MEST: variants seen among roughly 807,000 people sequenced by gnomAD.
The protein encoded by MEST is mesoderm specific transcript, also known as mesoderm-specific transcript homolog protein.
In MEST, 18 loss-of-function variants were observed where a neutral mutation model predicts 50.9. That is an observed-to-expected ratio of 0.35 (90% CI 0.24 to 0.52). The LOEUF is 0.52. MEST is among the 20% of genes least tolerant of loss of function. MEST has a pLI of 0.94. For missense variants in MEST, 282 were observed against 425.3 expected (o/e 0.66, Z 2.96); for synonymous variants, 130 against 154.1 (o/e 0.84, Z 1.16).
At position 130,497,309 on chromosome 7, in the gene MEST, CA is replaced by C; in HGVS notation, c.261+75del. ...CCGGGCGCGGGGGCTCAAATCCTAG[CA>C]CTTTGGGAGGCTGAGGTGGGAGGAT... On this transcript the variant is annotated intron_variant, in intron 3 of 11. Coordinates refer to ENST00000223215, the MANE Select transcript of MEST (RefSeq NM_002402.4). The surrounding 1 kb of genome is among the most constrained non-coding windows in gnomAD (Gnocchi z 4.0). 7.8e-7 allele frequency: 1 copy of C among 1,276,974 alleles called. No individual in the cohort carries two copies. The highest frequency in any genetic ancestry group is 1.1e-6 in the Non-Finnish European group (1 of 902,332). 79.1% of individuals were successfully genotyped at this position (1,276,974 alleles called of 1,614,324 possible).
chr7:130,502,670 A>G lies in MEST; in HGVS notation c.776A>G (p.Lys259Arg). The change falls in exon 10 of 12, where the codon AAG becomes AGG. Residue 259 changes from lysine to arginine, a missense_variant. Physicochemically the swap from Lys to Arg is conservative, Grantham distance 26 (BLOSUM62 2). Coordinates refer to ENST00000223215, the MANE Select transcript of MEST (RefSeq NM_002402.4). ...DSLLQYINQR[K>R]KFRRRWVGAL... ...CTCTTACAGTACATCAATCAGAGGAAGAAGTTCAGAAGGCGCTGGGTGGGA... is the reference window on the plus strand; with the variant it reads ...CTCTTACAGTACATCAATCAGAGGAGGAAGTTCAGAAGGCGCTGGGTGGGA... 6.2e-7 allele frequency: 1 copy of G among 1,613,968 alleles called. No individual in the cohort carries two copies.
At chr7:130,491,868 C>G (rs1478976571), upstream of MEST, among the ~76,000 whole-genome samples, 1 of 152,038 alleles carries the variant, frequency 6.6e-6, no homozygotes, top group Non-Finnish European at 1.5e-5. The surrounding 1 kb of genome is among the most constrained non-coding windows in gnomAD (Gnocchi z 6.8). Flanking sequence ...GAGGGAGCAG[C>G]GGGGTCTTGG....
At chr7:130,498,759 A>G (rs539654868) in intron 6 of MEST, 40 of 515,600 alleles carry the variant, frequency 7.8e-5, no homozygotes, top group Middle Eastern at 5.4e-4. Context: ...TGCTTTTTCA[A>G]TGCATTAGAT....
chr7:130,502,187 T>C (rs933163635), intron 9 of MEST, among the ~76,000 whole-genome samples: 1 of 152,030 alleles, frequency 6.6e-6, no homozygotes, highest in African/African-American at 2.4e-5. Flanking sequence ...CACCTGTGAC[T>C]AGCCACTGCA....
chr7:130,505,083 A>C lies in MEST; in HGVS notation c.*27A>C. ...CTGGAAAGAGTAGCTTCCCTGTATT[A>C]CCTCCCCTACTCCCTTATGTGTTGT... On this transcript the variant is annotated 3_prime_UTR_variant, in exon 12 of 12. Transcript: ENST00000223215. 1 of 1,476,884 alleles carries C rather than the reference A, an allele frequency of 6.8e-7. No individual in the cohort carries two copies. The highest frequency in any genetic ancestry group is 2.2e-4 in the Middle Eastern group (1 of 4,520). The allele number at this position is 1,476,884 out of a possible 1,614,324, so 91.5% of individuals were successfully genotyped here. A position where few individuals can be genotyped will look rare whatever the true frequency, so the allele number is the denominator to read the frequency against.
intron 6 of MEST, among the ~76,000 whole-genome samples, chr7:130,499,397 A>T (rs1297461175): frequency 6.6e-6 from 1 of 152,202 alleles, no homozygotes; most frequent in Non-Finnish European, 1.5e-5. Flanking sequence ...TTCTTGTTTT[A>T]TTCTTACAGC....
Position 130,497,886 on chromosome 7 carries a change from A to G in MEST, c.262-50A>G. The G allele has an allele frequency of 6.4e-7, 1 of 1,560,964 alleles. No individual in the cohort carries two copies. ...CTCCTGTGCAACTGTAGGTCTGGTG[A>G]AAGGGAGGGGCAGGAGCAGAAAGCC... On this transcript the variant is annotated intron_variant, in intron 3 of 11. Transcript: ENST00000223215. The surrounding 1 kb of genome is among the most constrained non-coding windows in gnomAD (Gnocchi z 4.0).
upstream of MEST, chr7:130,489,870 G>T (rs1025788561): frequency 6.6e-6 from 1 of 152,112 alleles, no homozygotes; most frequent in Non-Finnish European, 1.5e-5. Flanking sequence ...GATCCATGTG[G>T]GTAGACATGT....
In MEST at chr7:130,492,488, G is replaced by C. The variant is rs1798864766; in HGVS notation, c.26+149G>C. 1.8e-6 allele frequency: 1 copy of C among 566,112 alleles called. No homozygotes were observed. Among genetic ancestry groups the C allele is most frequent in the Non-Finnish European group, 2.6e-6 (1 of 380,542 alleles). The allele number at this position is 566,112 out of a possible 1,614,324, so 35.1% of individuals were successfully genotyped here. On this transcript the variant is annotated intron_variant, in intron 1 of 11. Transcript: ENST00000223215. This position sits in a 1 kb window ranked among gnomAD's most constrained non-coding sequence, Gnocchi z 7.6. The stretch of plus-strand genomic sequence containing the variant: ...GCGGCACGCATTCCGCGCCCGCTCT[G>C]CCTACTTGAGGAGGGGGTGTCACTC...
rs1799101497 is a variant in MEST, at chr7:130,497,315, G to C, written c.261+80G>C. On this transcript the variant is annotated intron_variant, in intron 3 of 11. Coordinates refer to ENST00000223215, the MANE Select transcript of MEST (RefSeq NM_002402.4). This position sits in a 1 kb window ranked among gnomAD's most constrained non-coding sequence, Gnocchi z 4.0. ...GCGGGGGCTCAAATCCTAGCACTTT[G>C]GGAGGCTGAGGTGGGAGGATGACCT... 2.6e-6 allele frequency: 3 copies of C among 1,165,366 alleles called. No homozygotes were observed. Among genetic ancestry groups the C allele is most frequent in the Non-Finnish European group, 3.7e-6 (3 of 809,248 alleles). 72.2% of individuals were successfully genotyped at this position (1,165,366 alleles called of 1,614,324 possible).
Position 130,492,405 on chromosome 7 carries a change from A to T in MEST, c.26+66A>T. On this transcript the variant is annotated intron_variant, in intron 1 of 11. Coordinates refer to ENST00000223215, the MANE Select transcript of MEST (RefSeq NM_002402.4). The surrounding 1 kb of genome is among the most constrained non-coding windows in gnomAD (Gnocchi z 7.6). ...CTGGGACTAGGGCGCAGGCGAGCGG[A>T]GGACTGTGTGCCCGTGTCCGAGCTG... The T allele has an allele frequency of 8.2e-7, 1 of 1,214,238 alleles. No homozygotes were observed. The highest frequency in any genetic ancestry group is 1.0e-6 in the Non-Finnish European group (1 of 960,982). 75.2% of individuals were successfully genotyped at this position (1,214,238 alleles called of 1,614,324 possible). A position where few individuals can be genotyped will look rare whatever the true frequency, so the allele number is the denominator to read the frequency against.
Position 130,502,652 on chromosome 7 carries a change from A to G in MEST, c.758A>G (p.Gln253Arg). 1.2e-6 allele frequency: 2 copies of G among 1,613,678 alleles called. No homozygotes were observed. Among genetic ancestry groups the G allele is most frequent in the Non-Finnish European group, 1.7e-6 (2 of 1,179,648 alleles). ...DGNLVIDSLL[Q>R]YINQRKKFRR... ...ACTTACCTGTCCTACAGTCTCTTAC[A>G]GTACATCAATCAGAGGAAGAAGTTC... Residue 253 changes from glutamine (Q) to arginine (R), a missense_variant, in exon 10 of 12, where the codon CAG (glutamine) becomes CGG (arginine). Gln to Arg is a conservative substitution (Grantham distance 43). Transcript: ENST00000223215.
intron 6 of MEST, among the ~76,000 whole-genome samples, chr7:130,499,085 T>C (rs1340427803): frequency 2.0e-5 from 3 of 152,186 alleles, no homozygotes; most frequent in Non-Finnish European, 2.9e-5. Context: ...AAAGCCGAAG[T>C]TTCCAAGAAC....
intron 9 of MEST, 155 bp downstream of exon 9, chr7:130,501,045 A>C: frequency 1.8e-6 from 1 of 565,202 alleles, no homozygotes; most frequent in East Asian, 2.9e-5. Flanking sequence ...ATGAAGAAAG[A>C]AATAGAAAAT....
At position 130,505,204 on chromosome 7, in the gene MEST, T is replaced by C. The variant is rs1338681845; in HGVS notation, c.*148T>C. On this transcript the variant is annotated 3_prime_UTR_variant, in exon 12 of 12. Transcript: ENST00000223215. ...TTTACTCAAATTGGTGAACAGTGTA[T>C]AGGAAGAAGCCAGCAGGAGCTCTGA... 2 of 645,202 alleles carry C rather than the reference T, an allele frequency of 3.1e-6. No homozygotes were observed. Among genetic ancestry groups the C allele is most frequent in the Admixed American group, 2.3e-5 (1 of 43,506 alleles). 40.0% of individuals were successfully genotyped at this position (645,202 alleles called of 1,614,324 possible).
chr7:130,496,408 A>G (rs912932294), intron 2 of MEST: 12 of 314,752 alleles, frequency 3.8e-5, no homozygotes, highest in African/African-American at 2.5e-4. Context: ...AGTATATACA[A>G]TTTTTAACTG....
Position 130,500,569 on chromosome 7 carries a change from T to G in MEST, c.647+37T>G, listed in dbSNP as rs782255003. ...TGTCAAAGATTGTGGCCTAGAGCAA[T>G]GTCGTGAAAAGTTGCTGCCATTACA... On this transcript the variant is annotated intron_variant, in intron 8 of 11. Coordinates refer to ENST00000223215, the MANE Select transcript of MEST (RefSeq NM_002402.4). This position sits in a 1 kb window ranked among gnomAD's most constrained non-coding sequence, Gnocchi z 5.0. 1.9e-6 allele frequency: 3 copies of G among 1,587,520 alleles called. No individual in the cohort carries two copies. The highest frequency in any genetic ancestry group is 2.3e-5 in the South Asian group (2 of 88,230).
rs563230058 is a variant in MEST at position 130,498,483 on chromosome 7, T to C, written c.535+6T>C. On this transcript the variant is annotated splice_donor_region_variant and intron_variant, in intron 6 of 11. Transcript: ENST00000223215. ...TCTCTGTCTGTCAAATGGAGGTAAT[T>C]GCCTTGGCGGTAGGTAGAAAGTGGG... 1 of 1,614,044 alleles carries C rather than the reference T, an allele frequency of 6.2e-7. No individual in the cohort carries two copies. Among genetic ancestry groups the C allele is most frequent in the South Asian group, 1.1e-5 (1 of 91,074 alleles).
Position 130,497,892 on chromosome 7 carries a change from AG to A in MEST, c.262-40del. 6.4e-7 allele frequency: 1 copy of A among 1,572,572 alleles called. No individual in the cohort carries two copies. Among genetic ancestry groups the A allele is most frequent in the Non-Finnish European group, 8.8e-7 (1 of 1,142,152 alleles). On this transcript the variant is annotated intron_variant, in intron 3 of 11. Coordinates refer to ENST00000223215, the MANE Select transcript of MEST (RefSeq NM_002402.4). The surrounding 1 kb of genome is among the most constrained non-coding windows in gnomAD (Gnocchi z 4.0). ...TGCAACTGTAGGTCTGGTGAAAGGG[AG>A]GGGCAGGAGCAGAAAGCCCAAATCA...
Sources: allele counts gnomAD v4.1 joint callset (sites outside exome capture counted in the v4.1 genomes callset), GRCh38; gene constraint gnomAD v4.1.1; non-coding constraint Gnocchi (gnomAD v3.1); transcripts MANE v1.5; gene names NCBI Gene and HGNC (gene_info 2026-07-23, HGNC 2026-07-21).